The following NSMCE2 variants were observed in gnomAD, a reference collection of about 807,000 sequenced individuals.
The protein encoded by NSMCE2 is NSE2 SUMO ligase component of SMC5/6 complex.
A neutral mutation model predicts 23.8 loss-of-function variants in NSMCE2; 24 were observed. The ratio of observed to expected loss-of-function variants is 1.01; its 90% CI spans 0.73 to 1.42. The LOEUF (loss-of-function observed/expected upper bound fraction) is 1.42, where lower values mean the gene tolerates loss of function less well. Among genes scored for constraint, NSMCE2 ranks in the 40% most tolerant of loss-of-function variants. NSMCE2 has a pLI of 0.00. For synonymous variants in NSMCE2, 92 were observed against 94.1 expected, an observed-to-expected ratio of 0.98 and a Z score of 0.13; for missense variants, 284 against 296.5, an observed-to-expected ratio of 0.96 and a Z score of 0.31.
intron 5 of NSMCE2, among the ~76,000 whole-genome samples, chr8:125,250,433 CTA>C (rs1408237951): frequency 6.6e-6 from 1 of 152,130 alleles, no homozygotes; most frequent in African/African-American, 2.4e-5. Flanking sequence ...TAGACTACCT[CTA>C]TTGATATATT....
At chr8:125,328,546 C>T (rs1829760671) in intron 5 of NSMCE2, among the ~76,000 whole-genome samples, 2 of 152,196 alleles carry the variant, frequency 1.3e-5, no homozygotes, top group African/African-American at 4.8e-5. Flanking sequence ...TCAGAATTCG[C>T]TGCCAAGCCA....
chr8:125,233,159 CTAGGCAACA>C (rs1195142231), intron 5 of NSMCE2, among the ~76,000 whole-genome samples: 1 of 152,166 alleles, frequency 6.6e-6, no homozygotes, highest in East Asian at 1.9e-4. Context: ...TGTCCTCCAG[CTAGGCAACA>C]TAGGTATGTA....
chr8:125,326,066 G>T (rs1248374508), intron 5 of NSMCE2, among the ~76,000 whole-genome samples: 1 of 152,098 alleles, frequency 6.6e-6, no homozygotes, highest in Non-Finnish European at 1.5e-5. Context: ...GACCATCCTG[G>T]ATAACATGGT....
intron 4 of NSMCE2, chr8:125,155,943 T>G: frequency 2.2e-6 from 1 of 450,992 alleles, no homozygotes; most frequent in South Asian, 1.6e-5. Flanking sequence ...CCCAACAAGT[T>G]CAGAGATTAC....
At chr8:125,213,907 T>G (rs1458425556) in intron 5 of NSMCE2, among the ~76,000 whole-genome samples, 1 of 152,158 alleles carries the variant, frequency 6.6e-6, no homozygotes, top group African/African-American at 2.4e-5. Flanking sequence ...TTGTTTTATA[T>G]CTGATCCACT....
intron 4 of NSMCE2, among the ~76,000 whole-genome samples, chr8:125,161,071 C>T (rs1821593431): frequency 6.6e-6 from 1 of 152,076 alleles, no homozygotes; most frequent in South Asian, 2.1e-4. Flanking sequence ...TTTCAAGCCC[C>T]TGTGTGAGTT....
chr8:125,137,696 G>A (rs1295503699), intron 3 of NSMCE2, among the ~76,000 whole-genome samples: 1 of 152,120 alleles, frequency 6.6e-6, no homozygotes, highest in African/African-American at 2.4e-5. Flanking sequence ...CCCAAAGGGT[G>A]GTGATTATTG....
At chr8:125,219,883 A>G (rs1394377610) in intron 5 of NSMCE2, among the ~76,000 whole-genome samples, 2 of 152,226 alleles carry the variant, frequency 1.3e-5, no homozygotes, top group Non-Finnish European at 2.9e-5. Flanking sequence ...ACTGGACAAG[A>G]TGGTTCGTGC....
At position 125,289,879 on chromosome 8, in the gene NSMCE2, C is replaced by G. The variant is rs148450183; in HGVS notation, c.419-67340C>G. On this transcript the variant is annotated intron_variant, in intron 5 of 7. Transcript: ENST00000287437. ...TAAATCAAAGCATTTATTATCAAAG[C>G]CTTTTTGTTTATGAGTACAAACACA... Among the ~76,000 whole-genome samples, 583 of 152,262 alleles carry G rather than the reference C, an allele frequency of 3.8e-3. 4 individuals are homozygous for G. Among genetic ancestry groups the G allele is most frequent in the African/African-American group, 0.014 (565 of 41,548 alleles).
chr8:125,123,490 A>T (rs1468087731), intron 3 of NSMCE2, among the ~76,000 whole-genome samples: 2 of 152,276 alleles, frequency 1.3e-5, no homozygotes, highest in African/African-American at 4.8e-5. Flanking sequence ...CAGATGAAAG[A>T]GCTAAAGCTC....
chr8:125,155,926 A>T, intron 4 of NSMCE2: 1 of 446,870 alleles, frequency 2.2e-6, no homozygotes. Flanking sequence ...TAGCTAAATG[A>T]GAATGACCCA....
At chr8:125,268,440 A>G (rs908415255) in intron 5 of NSMCE2, among the ~76,000 whole-genome samples, 3 of 152,168 alleles carry the variant, frequency 2.0e-5, no homozygotes, top group African/African-American at 4.8e-5. Context: ...TGATCACTCC[A>G]TTAACAACAA....
rs770384488 is a variant in NSMCE2, at chr8:125,360,314, G to T, written c.626+2496G>T. 8.5e-5 allele frequency among the ~76,000 whole-genome samples: 13 copies of T among 152,246 alleles called. No homozygotes were observed. The South Asian group carries it at 2.1e-3, about 24-fold the overall frequency. On this transcript the variant is annotated intron_variant, in intron 7 of 7. Transcript: ENST00000287437. ...CAGAACTATCGATGTGGATTGGGAGGTTATCAGTATAGACGAGTCAACCCG... is the reference window on the plus strand; with the variant it reads ...CAGAACTATCGATGTGGATTGGGAGTTTATCAGTATAGACGAGTCAACCCG...
chr8:125,281,093 T>C (rs1827672919), intron 5 of NSMCE2, among the ~76,000 whole-genome samples: 1 of 152,184 alleles, frequency 6.6e-6, no homozygotes, highest in Admixed American at 6.5e-5. Flanking sequence ...TATAAGCCGA[T>C]TAAGATAGCT....
At chr8:125,291,605 G>A (rs7007866) in intron 5 of NSMCE2, among the ~76,000 whole-genome samples, 27,185 of 152,076 alleles carry the variant, frequency 0.18, 2,589 homozygotes, top group African/African-American at 0.23. Flanking sequence ...ATGATACACC[G>A]GGATGTGTTT....
intron 4 of NSMCE2, among the ~76,000 whole-genome samples, chr8:125,161,981 G>C (rs1821652568): frequency 1.3e-5 from 2 of 152,068 alleles, no homozygotes; most frequent in Non-Finnish European, 2.9e-5. Context: ...AGTGCTGTTG[G>C]TACCACGAAG....
At chr8:125,184,417 A>G (rs1586579316) in intron 5 of NSMCE2, among the ~76,000 whole-genome samples, 1 of 152,168 alleles carries the variant, frequency 6.6e-6, no homozygotes, top group African/African-American at 2.4e-5. Context: ...AGTACACATT[A>G]TTTGGATAGA....
chr8:125,307,216 TC>T (rs1231373290), intron 5 of NSMCE2, among the ~76,000 whole-genome samples: 1 of 152,210 alleles, frequency 6.6e-6, no homozygotes, highest in Non-Finnish European at 1.5e-5. Context: ...AATTTTTTTT[TC>T]TTTAAAATAG....
intron 3 of NSMCE2, among the ~76,000 whole-genome samples, chr8:125,137,827 T>G (rs1186979445): frequency 6.6e-6 from 1 of 152,194 alleles, no homozygotes; most frequent in East Asian, 1.9e-4. Context: ...GTATTTTCTT[T>G]CATAAGATGG....
Sources: gnomAD v4.1 joint callset for allele counts (sites outside exome capture counted in the v4.1 genomes callset) on GRCh38, gnomAD v4.1.1 for gene constraint, MANE v1.5 for transcripts, NCBI Gene and HGNC (gene_info 2026-07-23, HGNC 2026-07-21) for gene names.